Variants in GLIS3 observed in about 807,000 individuals in gnomAD.
GLIS3 encodes the protein zinc finger protein GLIS3.
A neutral mutation model predicts 78.6 loss-of-function variants in GLIS3; 53 were observed. The ratio of observed to expected loss-of-function variants is 0.67; its 90% CI spans 0.54 to 0.85. The LOEUF (loss-of-function observed/expected upper bound fraction) is 0.85, where lower values mean the gene tolerates loss of function less well. Among genes scored for constraint, GLIS3 ranks in the 40% least tolerant of loss-of-function variants. GLIS3 has a pLI of 0.00. For synonymous variants in GLIS3, 684 were observed against 509.9 expected (o/e 1.34, Z -4.60); for missense variants, 1,703 against 1,231.1 (o/e 1.38, Z -5.74).
chr9:3,887,446 T>TA (rs1563814056), intron 7 of GLIS3, among the ~76,000 whole-genome samples: 1 of 152,194 alleles, frequency 6.6e-6, no homozygotes, highest in Non-Finnish European at 1.5e-5. Flanking sequence ...ACTTTGAGCT[T>TA]AAGCGTGCTG....
intron 4 of GLIS3, among the ~76,000 whole-genome samples, chr9:3,979,482 T>C (rs1222311343): frequency 6.6e-6 from 1 of 152,262 alleles, no homozygotes; most frequent in Admixed American, 6.5e-5. Flanking sequence ...TTCATTGCTC[T>C]GCACCAGCTC....
At chr9:3,866,040 T>C (rs946454403) in intron 8 of GLIS3, among the ~76,000 whole-genome samples, 2 of 152,046 alleles carry the variant, frequency 1.3e-5, no homozygotes, top group African/African-American at 4.8e-5. Context: ...ATTGTGGAGG[T>C]GGAAGAAGAA....
chr9:4,198,850 T>G (rs1314906229), intron 2 of GLIS3, among the ~76,000 whole-genome samples: 2 of 152,154 alleles, frequency 1.3e-5, no homozygotes, highest in Non-Finnish European at 2.9e-5. Flanking sequence ...CCCCATCAGT[T>G]TAACAGCAAA....
At chr9:4,266,649 T>C (rs1031438948) in intron 2 of GLIS3, among the ~76,000 whole-genome samples, 2 of 151,794 alleles carry the variant, frequency 1.3e-5, no homozygotes, top group African/African-American at 4.8e-5. Context: ...AGCAACCTCA[T>C]GCTTCTGGAC....
At position 4,024,039 on chromosome 9, in the gene GLIS3, A is replaced by C. The variant is rs115354221; in HGVS notation, c.1711-86850T>G. Among the ~76,000 whole-genome samples, 759 of 152,100 alleles carry C rather than the reference A, an allele frequency of 5.0e-3. 6 individuals carry two copies. Among genetic ancestry groups the C allele is most frequent in the African/African-American group, 0.016 (667 of 41,490 alleles). ...AGAAGGAAAAACAAAAAAAAACAAAAAAAAAAATACAGTGGTCCTCCTCCA... is the reference window on the plus strand; with the variant it reads ...AGAAGGAAAAACAAAAAAAAACAAACAAAAAAATACAGTGGTCCTCCTCCA... On this transcript the variant is annotated intron_variant, in intron 4 of 10. Coordinates refer to ENST00000381971, the MANE Select transcript of GLIS3 (RefSeq NM_001042413.2).
rs573037585 is a variant in GLIS3 at position 3,968,676 on chromosome 9, T to C, written c.1711-31487A>G. ...CAGTAAATCTTTTAATTTAAAGTATTATATCCAGGAAACTACATAAATGAT... is the reference window on the plus strand; with the variant it reads ...CAGTAAATCTTTTAATTTAAAGTATCATATCCAGGAAACTACATAAATGAT... On this transcript the variant is annotated intron_variant, in intron 4 of 10. Transcript: ENST00000381971. Among the ~76,000 whole-genome samples, 9 of 152,304 alleles carry C rather than the reference T, an allele frequency of 5.9e-5. No individual in the cohort carries two copies. The South Asian group carries it at 1.0e-3, about 18-fold the overall frequency.
chr9:4,054,257 G>A, intron 4 of GLIS3: 1 of 816,014 alleles, frequency 1.2e-6, no homozygotes, highest in Non-Finnish European at 1.5e-6. Flanking sequence ...ATCCTTCACG[G>A]TCACTGCTCT....
chr9:4,048,921 C>T (rs1274298267), intron 4 of GLIS3, among the ~76,000 whole-genome samples: 1 of 152,220 alleles, frequency 6.6e-6, no homozygotes. Context: ...CTACTGCATG[C>T]TTTCACTTTG....
chr9:4,466,515 C>G, the GLIS3 span, among the ~76,000 whole-genome samples: 1 of 152,158 alleles, frequency 6.6e-6, no homozygotes, highest in Non-Finnish European at 1.5e-5. Context: ...CATTAGCCCT[C>G]ATAACATAGA....
intron 4 of GLIS3, among the ~76,000 whole-genome samples, chr9:3,994,447 C>T (rs914723169): frequency 3.3e-5 from 5 of 152,166 alleles, no homozygotes; most frequent in East Asian, 1.9e-4. Flanking sequence ...ATTTGGCAAG[C>T]GTATGTCTTC....
At chr9:4,214,178 T>C (rs1271832033) in intron 2 of GLIS3, among the ~76,000 whole-genome samples, 1 of 152,102 alleles carries the variant, frequency 6.6e-6, no homozygotes, top group Non-Finnish European at 1.5e-5. Context: ...TAACAAAAAG[T>C]AGGATAATTG....
At chr9:4,200,174 T>C (rs537646854) in intron 2 of GLIS3, among the ~76,000 whole-genome samples, 52 of 152,332 alleles carry the variant, frequency 3.4e-4, no homozygotes, top group African/African-American at 1.1e-3. Flanking sequence ...CAGGAGTTTT[T>C]AGTGCTAAAC....
intron 4 of GLIS3, among the ~76,000 whole-genome samples, chr9:4,116,769 C>T (rs1218598513): frequency 6.6e-6 from 1 of 152,156 alleles, no homozygotes; most frequent in Non-Finnish European, 1.5e-5. Context: ...AGTACCAGCA[C>T]CATACTCAAT....
the GLIS3 span, among the ~76,000 whole-genome samples, chr9:4,387,963 C>G: frequency 3.9e-5 from 6 of 152,166 alleles, no homozygotes; most frequent in African/African-American, 1.4e-4. Flanking sequence ...AAATGATGCC[C>G]TTTTAGAAGA....
Position 3,824,934 on chromosome 9 carries a change from AAT to A in GLIS3, c.*3336_*3337del, listed in dbSNP as rs66766243. The A allele has an allele frequency of 0.54, 66,074 of 123,496 alleles. 16,835 individuals carry two copies. Among genetic ancestry groups the A allele is most frequent in the East Asian group, 0.64 (2,961 of 4,626 alleles). The allele number at this position is 123,496 out of a possible 1,614,324, so 7.7% of individuals were successfully genotyped here. On this transcript the variant is annotated 3_prime_UTR_variant, in exon 11 of 11. Transcript: ENST00000381971. ...TTCATCTGTTGCAAAAAAAAAAAAA[AAT>A]AATAACCGCAGAAATTCCACACCAC...
intron 2 of GLIS3, among the ~76,000 whole-genome samples, chr9:4,225,379 C>G (rs1295621877): frequency 2.0e-5 from 3 of 152,154 alleles, no homozygotes; most frequent in South Asian, 2.1e-4. Flanking sequence ...ATGATGAGAA[C>G]TAGACAGCCA....
intron 4 of GLIS3, among the ~76,000 whole-genome samples, chr9:4,110,056 C>T (rs1831087563): frequency 1.3e-5 from 2 of 152,168 alleles, no homozygotes; most frequent in African/African-American, 2.4e-5. Flanking sequence ...ATTGTGAGCT[C>T]CCAAAGGGAA....
chr9:4,285,932 C>T (rs189786317), intron 2 of GLIS3, 106 bp downstream of exon 2: 2 of 1,355,854 alleles, frequency 1.5e-6, no homozygotes, highest in South Asian at 1.2e-5. Context: ...ATCTTTGACC[C>T]TGACACTGAA....
At chr9:4,360,889 G>C in the GLIS3 span, among the ~76,000 whole-genome samples, 1 of 152,186 alleles carries the variant, frequency 6.6e-6, no homozygotes, top group Non-Finnish European at 1.5e-5. Context: ...TGCTCAGGGA[G>C]GCACATGACA....
Sources: allele counts gnomAD v4.1 joint callset (sites outside exome capture counted in the v4.1 genomes callset), GRCh38; gene constraint gnomAD v4.1.1; transcripts MANE v1.5; gene names NCBI Gene and HGNC (gene_info 2026-07-23, HGNC 2026-07-21).